The following PRDM10 variants were observed in gnomAD, a reference collection of about 807,000 sequenced individuals.
The protein encoded by PRDM10 is PR domain zinc finger protein 10.
A neutral mutation model predicts 133.1 loss-of-function variants in PRDM10; 65 were observed. The observed-to-expected ratio is 0.49, with a 90% CI of 0.40 to 0.60. The LOEUF is 0.60. PRDM10 is among the 20% of genes least tolerant of loss of function. The pLI is 0.00. For missense variants in PRDM10, 1,137 were observed against 1,507.1 expected (o/e 0.75, Z 4.07); for synonymous variants, 582 against 580.4 (o/e 1.00, Z -0.04).
intron 1 of PRDM10, among the ~76,000 whole-genome samples, chr11:129,962,577 G>T (rs561701569): frequency 2.0e-5 from 3 of 152,350 alleles, no homozygotes; most frequent in African/African-American, 7.2e-5. Context: ...AGGAACACAA[G>T]GGAACTTCAT....
At position 129,918,187 on chromosome 11, in the gene PRDM10, TA is replaced by T. The variant is rs912285712; in HGVS notation, c.2214+351del. 1.3e-5 allele frequency among the ~76,000 whole-genome samples: 2 copies of T among 149,238 alleles called. No individual in the cohort carries two copies. The highest frequency in any genetic ancestry group is 2.5e-5 in the African/African-American group (1 of 40,364). ...GCTGGGGAGAAGGCAAATACCCCAT[TA>T]AAAAAATACATTCAGGGACACAAAA... On this transcript the variant is annotated intron_variant, in intron 14 of 20. Transcript: ENST00000360871. The surrounding 1 kb of genome is among the most constrained non-coding windows in gnomAD (Gnocchi z 5.3).
intron 1 of PRDM10, among the ~76,000 whole-genome samples, chr11:129,965,004 CTT>C (rs1389973523): frequency 6.6e-6 from 1 of 152,164 alleles, no homozygotes; most frequent in Admixed American, 6.5e-5. Context: ...ATTTTATACT[CTT>C]TAAAAATCTA....
At chr11:129,941,558 G>A (rs780830642) in intron 7 of PRDM10, among the ~76,000 whole-genome samples, 5 of 152,278 alleles carry the variant, frequency 3.3e-5, no homozygotes, top group Admixed American at 6.5e-5. Context: ...AGATATACAC[G>A]CGTTCCTGTC....
Position 129,973,816 on chromosome 11 carries a change from T to G in PRDM10, c.-118-12734A>C, listed in dbSNP as rs185510473. Reference sequence around the variant, plus strand: ...GATAAAACATCGATGAAGACTCTTATGTAGATATAAAGATGAGACTTGTAT... The same window carrying G: ...GATAAAACATCGATGAAGACTCTTAGGTAGATATAAAGATGAGACTTGTAT... On this transcript the variant is annotated intron_variant, in intron 1 of 20. Coordinates refer to ENST00000360871, the MANE Select transcript of PRDM10 (RefSeq NM_199437.2). 1.1e-4 allele frequency among the ~76,000 whole-genome samples: 16 copies of G among 152,340 alleles called. No individual in the cohort carries two copies. In the East Asian group the frequency reaches 2.9e-3, roughly 28 times the overall value.
Position 129,923,973 on chromosome 11 carries a change from G to A in PRDM10, c.1879-570C>T, listed in dbSNP as rs995055865. 2.6e-5 allele frequency among the ~76,000 whole-genome samples: 4 copies of A among 152,216 alleles called. No individual in the cohort carries two copies. Among genetic ancestry groups the A allele is most frequent in the African/African-American group, 4.8e-5 (2 of 41,452 alleles). On this transcript the variant is annotated intron_variant, in intron 12 of 20. Coordinates refer to ENST00000360871, the MANE Select transcript of PRDM10 (RefSeq NM_199437.2). This position sits in a 1 kb window ranked among gnomAD's most constrained non-coding sequence, Gnocchi z 4.4. Reference sequence around the variant, plus strand: ...TTTGTGAGAGCAATATGACGCTGGCGTCACTTCTCAACTGGGACTTACTTC... The same window carrying A: ...TTTGTGAGAGCAATATGACGCTGGCATCACTTCTCAACTGGGACTTACTTC...
intron 1 of PRDM10, among the ~76,000 whole-genome samples, chr11:129,967,235 T>C (rs893862024): frequency 1.3e-5 from 2 of 151,650 alleles, no homozygotes; most frequent in African/African-American, 4.9e-5. Context: ...CTAAAAAAAA[T>C]ACAAAAATTA....
chr11:129,903,773 T>C (rs1949921591), intron 20 of PRDM10, among the ~76,000 whole-genome samples: 1 of 152,140 alleles, frequency 6.6e-6, no homozygotes, highest in Non-Finnish European at 1.5e-5. Context: ...GTTCTGATTA[T>C]GATTGGTTTT....
At chr11:129,949,511 T>A (rs1951523689) in intron 4 of PRDM10, among the ~76,000 whole-genome samples, 1 of 152,232 alleles carries the variant, frequency 6.6e-6, no homozygotes. Context: ...TTTGTTGAAA[T>A]ATATTTGGCC....
At chr11:129,951,751 C>T (rs1362798829) in intron 4 of PRDM10, among the ~76,000 whole-genome samples, 1 of 152,146 alleles carries the variant, frequency 6.6e-6, no homozygotes, top group Admixed American at 6.5e-5. Context: ...ATTTTCCTCT[C>T]AGTGTGTGGG....
chr11:129,943,131 T>A (rs1001165272), intron 6 of PRDM10, among the ~76,000 whole-genome samples: 2 of 152,204 alleles, frequency 1.3e-5, no homozygotes, highest in South Asian at 4.1e-4. Context: ...CCCTTCCCAC[T>A]GCCCTTTCCT....
intron 2 of PRDM10, 138 bp downstream of exon 2, chr11:129,960,758 T>C (rs1439985946): frequency 3.6e-6 from 3 of 834,420 alleles, no homozygotes; most frequent in Non-Finnish European, 5.7e-6. Flanking sequence ...AAACAGTCCC[T>C]ATTCCTTGTG....
chr11:129,969,572 T>C (rs530420203), intron 1 of PRDM10, among the ~76,000 whole-genome samples: 24 of 150,942 alleles, frequency 1.6e-4, no homozygotes, highest in African/African-American at 5.6e-4. Flanking sequence ...GGTGGGCGGA[T>C]CACTTGAGGA....
chr11:129,959,457 C>G (rs1165739401), intron 2 of PRDM10, among the ~76,000 whole-genome samples: 1 of 152,154 alleles, frequency 6.6e-6, no homozygotes, highest in Non-Finnish European at 1.5e-5. Flanking sequence ...AGCTTTTCTG[C>G]TTGGTCTTCA....
Position 129,923,133 on chromosome 11 carries a change from G to T in PRDM10, c.2034+115C>A. 8.0e-7 allele frequency: 1 copy of T among 1,243,060 alleles called. No individual in the cohort carries two copies. Among genetic ancestry groups the T allele is most frequent in the Non-Finnish European group, 1.1e-6 (1 of 929,020 alleles). The allele number at this position is 1,243,060 out of a possible 1,614,324, so 77.0% of individuals were successfully genotyped here. On this transcript the variant is annotated intron_variant, in intron 13 of 20. Transcript: ENST00000360871. This position sits in a 1 kb window ranked among gnomAD's most constrained non-coding sequence, Gnocchi z 4.4. ...ACACAAGGCCCAAAGAGTATCTCAGGTCCAGTTCATCAGAGGTGGGTGATA... is the reference window on the plus strand; with the variant it reads ...ACACAAGGCCCAAAGAGTATCTCAGTTCCAGTTCATCAGAGGTGGGTGATA...
chr11:129,957,518 C>A (rs984239976), intron 3 of PRDM10, among the ~76,000 whole-genome samples: 2 of 152,116 alleles, frequency 1.3e-5, no homozygotes, highest in Admixed American at 6.5e-5. Context: ...AGGGTTTCAC[C>A]CTCTTGGCCA....
At chr11:129,914,437 G>A (rs1591583614) in intron 17 of PRDM10, 2 of 534,344 alleles carry the variant, frequency 3.7e-6, no homozygotes, top group Non-Finnish European at 6.7e-6. Context: ...TCAGAAACAG[G>A]TGCTGTGGCT....
chr11:129,921,188 G>C (rs1398514118), intron 13 of PRDM10, among the ~76,000 whole-genome samples: 3 of 152,148 alleles, frequency 2.0e-5, no homozygotes, highest in African/African-American at 7.2e-5. Flanking sequence ...CTTATACTTA[G>C]CAGGACAGGC....
Position 129,901,521 on chromosome 11 carries a change from A to T in PRDM10, c.*792T>A, listed in dbSNP as rs1328431914. 6.6e-6 allele frequency: 1 copy of T among 152,380 alleles called. No individual in the cohort carries two copies. The highest frequency in any genetic ancestry group is 1.9e-4 in the East Asian group (1 of 5,176). 9.4% of individuals were successfully genotyped at this position (152,380 alleles called of 1,614,324 possible). Reference sequence around the variant, plus strand: ...CCAATATCTCCTTCTTACCACCACCACAACCACAGAATGGGAGGCAAAGCT... The same window carrying T: ...CCAATATCTCCTTCTTACCACCACCTCAACCACAGAATGGGAGGCAAAGCT... On this transcript the variant is annotated 3_prime_UTR_variant, in exon 21 of 21. Coordinates refer to ENST00000360871, the MANE Select transcript of PRDM10 (RefSeq NM_199437.2).
At chr11:129,990,522 CAAAAAAAAAAAAA>C (rs59217112) in intron 1 of PRDM10, among the ~76,000 whole-genome samples, 3 of 67,086 alleles carry the variant, frequency 4.5e-5, no homozygotes, top group South Asian at 6.4e-4. Flanking sequence ...ACTTTGTCTC[CAAAAAAAAAAAAA>C]AAAAAAAAAA....
Sources: gnomAD v4.1 joint callset for allele counts (sites outside exome capture counted in the v4.1 genomes callset) on GRCh38, gnomAD v4.1.1 for gene constraint, Gnocchi (gnomAD v3.1) non-coding constraint, MANE v1.5 for transcripts, NCBI Gene and HGNC (gene_info 2026-07-23, HGNC 2026-07-21) for gene names.